USP6NL: variants seen among roughly 807,000 people sequenced by gnomAD.
USP6NL encodes USP6 N-terminal-like protein.
In USP6NL, 26 loss-of-function variants were observed where a neutral mutation model predicts 61.9. The observed-to-expected ratio is 0.42, with a 90% CI of 0.31 to 0.58. USP6NL has a LOEUF of 0.58. Among genes scored for constraint, USP6NL ranks in the 20% least tolerant of loss-of-function variants. The pLI is 0.16. For missense variants in USP6NL, 1,114 were observed against 1,034.3 expected, an observed-to-expected ratio of 1.08 and a Z score of -1.06; for synonymous variants, 432 against 390.1, an observed-to-expected ratio of 1.11 and a Z score of -1.27.
Position 11,484,974 on chromosome 10 carries a change from T to C in USP6NL, c.922A>G (p.Lys308Glu). The C allele has an allele frequency of 1.3e-6, 2 of 1,520,160 alleles. No homozygotes were observed. Among genetic ancestry groups the C allele is most frequent in the Non-Finnish European group, 1.8e-6 (2 of 1,137,920 alleles). The allele number at this position is 1,520,160 out of a possible 1,614,324, so 94.2% of individuals were successfully genotyped here. Residue 308 changes from lysine to glutamate, a missense_variant, in exon 13 of 15, where the codon AAA becomes GAA. By Grantham distance (56) the Lys-to-Glu change is moderately conservative. Transcript: ENST00000609104. ...AMSYTILKLH[K>E]KHLMKLSMEE... ...AAGAGTTTAAGCATTTTCTTACTTTTGTGTAATTTTAAGATGGTGTAAGAC... is the reference window on the plus strand; with the variant it reads ...AAGAGTTTAAGCATTTTCTTACTTTCGTGTAATTTTAAGATGGTGTAAGAC...
At position 11,525,858 on chromosome 10, in the gene USP6NL, G is replaced by C. The variant is rs1170228701; in HGVS notation, c.73-390C>G. ...TCAGAGAAAGAGATTTTTCTTTTTT[G>C]CCTTTTTATGCAAACTCCTTAGAGA... On this transcript the variant is annotated intron_variant, in intron 3 of 14. Coordinates refer to ENST00000609104, the MANE Select transcript of USP6NL (RefSeq NM_014688.5). This position sits in a 1 kb window ranked among gnomAD's most constrained non-coding sequence, Gnocchi z 5.0. 6.6e-6 allele frequency among the ~76,000 whole-genome samples: 1 copy of C among 151,764 alleles called. No homozygotes were observed. Among genetic ancestry groups the C allele is most frequent in the Admixed American group, 6.5e-5 (1 of 15,272 alleles).
chr10:11,566,508 T>C (rs1324841718), intron 2 of USP6NL, among the ~76,000 whole-genome samples: 1 of 152,202 alleles, frequency 6.6e-6, no homozygotes. Flanking sequence ...ATTAATCCAA[T>C]TTTACATATG....
In USP6NL at chr10:11,476,972, A is replaced by G. The variant is rs994783858; in HGVS notation, c.1078+4798T>C. Reference sequence around the variant, plus strand: ...CTGCAACCTCCGCCTCCCAGGTTCAAGCAATCCTCCTGCCTCAGCCTCCCG... The same window carrying G: ...CTGCAACCTCCGCCTCCCAGGTTCAGGCAATCCTCCTGCCTCAGCCTCCCG... On this transcript the variant is annotated intron_variant, in intron 14 of 14. Transcript: ENST00000609104. This position sits in a 1 kb window ranked among gnomAD's most constrained non-coding sequence, Gnocchi z 4.3. Among the ~76,000 whole-genome samples, 1 of 152,180 alleles carries G rather than the reference A, an allele frequency of 6.6e-6. No individual in the cohort carries two copies. The highest frequency in any genetic ancestry group is 2.4e-5 in the African/African-American group (1 of 41,426).
intron 2 of USP6NL, among the ~76,000 whole-genome samples, chr10:11,572,119 A>T (rs931880080): frequency 6.6e-6 from 1 of 151,954 alleles, no homozygotes; most frequent in African/African-American, 2.4e-5. Context: ...TATTCCAAGT[A>T]ACTATGATTG....
In USP6NL at chr10:11,478,240, C is replaced by G. The variant is rs549852654; in HGVS notation, c.1078+3530G>C. Among the ~76,000 whole-genome samples, 1 of 152,336 alleles carries G rather than the reference C, an allele frequency of 6.6e-6. No individual in the cohort carries two copies. Among genetic ancestry groups the G allele is most frequent in the South Asian group, 2.1e-4 (1 of 4,830 alleles). ...CAGAGCCCCTGCTTAGGCTCCAACG[C>G]CAGTGGCAGCAGCGACGTCCACACA... On this transcript the variant is annotated intron_variant, in intron 14 of 14. Coordinates refer to ENST00000609104, the MANE Select transcript of USP6NL (RefSeq NM_014688.5). The surrounding 1 kb of genome is among the most constrained non-coding windows in gnomAD (Gnocchi z 6.8).
rs896151905 is a variant in USP6NL, at chr10:11,587,205, A to T, written c.4+10426T>A. On this transcript the variant is annotated intron_variant, in intron 2 of 14. Coordinates refer to ENST00000609104, the MANE Select transcript of USP6NL (RefSeq NM_014688.5). This position sits in a 1 kb window ranked among gnomAD's most constrained non-coding sequence, Gnocchi z 4.5. The stretch of plus-strand genomic sequence containing the variant: ...TCATTAAGTATCTGTTTATACTAAA[A>T]TTAAAACAATTATTATTTATTCAAA... 8.9e-4 allele frequency among the ~76,000 whole-genome samples: 136 copies of T among 152,322 alleles called. 2 individuals carry two copies. Among genetic ancestry groups the T allele is most frequent in the African/African-American group, 3.2e-3 (131 of 41,572 alleles).
rs576715111 is a variant in USP6NL at position 11,558,289 on chromosome 10, C to T, written c.5-30722G>A. Among the ~76,000 whole-genome samples the T allele has an allele frequency of 2.0e-5, 3 of 152,294 alleles. No homozygotes were observed. The South Asian group carries it at 6.2e-4, about 32-fold the overall frequency. On this transcript the variant is annotated intron_variant, in intron 2 of 14. Coordinates refer to ENST00000609104, the MANE Select transcript of USP6NL (RefSeq NM_014688.5). Reference sequence around the variant, plus strand: ...ACTGATCTCCAAAATGCCCATGACACCATCATCTCAGGATCATCATTCCAC... The same window carrying T: ...ACTGATCTCCAAAATGCCCATGACATCATCATCTCAGGATCATCATTCCAC...
intron 6 of USP6NL, among the ~76,000 whole-genome samples, chr10:11,501,892 C>CT (rs1834212556): frequency 6.6e-6 from 1 of 152,102 alleles, no homozygotes; most frequent in South Asian, 2.1e-4. Context: ...TTGATGCTAT[C>CT]TGATAAGACA....
chr10:11,526,297 T>G (rs1016908297), intron 3 of USP6NL, among the ~76,000 whole-genome samples: 1 of 152,174 alleles, frequency 6.6e-6, no homozygotes, highest in African/African-American at 2.4e-5. Flanking sequence ...CCAACTGTCT[T>G]GTGGACACCT....
intron 2 of USP6NL, among the ~76,000 whole-genome samples, chr10:11,580,913 G>C (rs1837740482): frequency 7.8e-6 from 1 of 127,532 alleles, no homozygotes; most frequent in Non-Finnish European, 1.7e-5. Context: ...GGATGGGGGA[G>C]GCACACAAAG....
chr10:11,518,920 CGGT>C lies in USP6NL; in HGVS notation c.156-349_156-347del, dbSNP rs1393110037. On this transcript the variant is annotated intron_variant, in intron 4 of 14. Transcript: ENST00000609104. This position sits in a 1 kb window ranked among gnomAD's most constrained non-coding sequence, Gnocchi z 5.3. The stretch of plus-strand genomic sequence containing the variant: ...CGTAGCTAGAAGCCACCATATTGAA[CGGT>C]ACAGATATAGAACATTTCCATCACT... Among the ~76,000 whole-genome samples the C allele has an allele frequency of 6.6e-6, 1 of 152,204 alleles. No homozygotes were observed. The highest frequency in any genetic ancestry group is 1.5e-5 in the Non-Finnish European group (1 of 68,030).
intron 13 of USP6NL, among the ~76,000 whole-genome samples, chr10:11,484,396 GT>G (rs34864370): frequency 0.23 from 33,580 of 144,716 alleles, 4,243 homozygotes; most frequent in East Asian, 0.59. Context: ...AAATTCTCCA[GT>G]TTTTTTTTTT....
chr10:11,490,602 A>C lies in USP6NL; in HGVS notation c.543+230T>G, dbSNP rs1833671396. Among the ~76,000 whole-genome samples, 1 of 152,226 alleles carries C rather than the reference A, an allele frequency of 6.6e-6. No homozygotes were observed. Among genetic ancestry groups the C allele is most frequent in the Admixed American group, 6.5e-5 (1 of 15,284 alleles). ...AATATGGAGGGAGAGAGAAAAGGTG[A>C]GACTCACTGGCATACTGTGGTCATA... On this transcript the variant is annotated intron_variant, in intron 9 of 14. Transcript: ENST00000609104. This position sits in a 1 kb window ranked among gnomAD's most constrained non-coding sequence, Gnocchi z 4.5.
chr10:11,541,568 CAA>C (rs1448502408), intron 2 of USP6NL, among the ~76,000 whole-genome samples: 1 of 151,938 alleles, frequency 6.6e-6, no homozygotes, highest in Non-Finnish European at 1.5e-5. Context: ...AAAGGCTTAA[CAA>C]GAGAATCTGT....
rs1838311861 is a variant in USP6NL at position 11,595,891 on chromosome 10, T to A, written c.4+1740A>T. Among the ~76,000 whole-genome samples, 1 of 152,230 alleles carries A rather than the reference T, an allele frequency of 6.6e-6. No homozygotes were observed. Among genetic ancestry groups the A allele is most frequent in the Non-Finnish European group, 1.5e-5 (1 of 68,034 alleles). ...AAAAGAATTAGTGGATTAGTGGATA[T>A]AAAGAACCAGTTAAAAATCTTGCAA... is the stretch of plus-strand genomic sequence containing the variant. On this transcript the variant is annotated intron_variant, in intron 2 of 14. Transcript: ENST00000609104. This position sits in a 1 kb window ranked among gnomAD's most constrained non-coding sequence, Gnocchi z 5.3.
Position 11,509,618 on chromosome 10 carries a change from C to T in USP6NL, c.253G>A (p.Glu85Lys), listed in dbSNP as rs760665877. ...ACCTTTTCAGTGTTCTTGTATTTTT[C>T]CCATCCTTTCAGCATTTTCAGCCAT... ...TKWLKMLKGW[E>K]KYKNTEKFHR... The change falls in exon 6 of 15, where the codon GAA becomes AAA. Residue 85 changes from glutamate (E) to lysine (K), a missense_variant. By Grantham distance (56) the Glu-to-Lys change is moderately conservative. Coordinates refer to ENST00000609104, the MANE Select transcript of USP6NL (RefSeq NM_014688.5). 3.8e-6 allele frequency: 6 copies of T among 1,564,206 alleles called. No homozygotes were observed. Among genetic ancestry groups the T allele is most frequent in the Non-Finnish European group, 4.3e-6 (5 of 1,153,384 alleles).
At chr10:11,531,914 T>C (rs562488602) in intron 2 of USP6NL, among the ~76,000 whole-genome samples, 1 of 152,312 alleles carries the variant, frequency 6.6e-6, no homozygotes, top group East Asian at 1.9e-4. Flanking sequence ...TTGACAACTA[T>C]ACAATTCTAA....
In USP6NL at chr10:11,562,876, C is replaced by T. The variant is rs1265915526; in HGVS notation, c.4+34755G>A. ...GTAGTTTCTTGAAAAAGTAGACATC[C>T]ACTTACCATGCAATCTATGAATCAC... On this transcript the variant is annotated intron_variant, in intron 2 of 14. Transcript: ENST00000609104. This position sits in a 1 kb window ranked among gnomAD's most constrained non-coding sequence, Gnocchi z 4.8. 8 of 671,932 alleles carry T rather than the reference C, an allele frequency of 1.2e-5. No homozygotes were observed. Among genetic ancestry groups the T allele is most frequent in the Non-Finnish European group, 1.5e-5 (8 of 544,162 alleles). 41.6% of individuals were successfully genotyped at this position (671,932 alleles called of 1,614,324 possible). A position where few individuals can be genotyped will look rare whatever the true frequency, so the allele number is the denominator to read the frequency against.
chr10:11,473,918 G>C (rs926253233), intron 14 of USP6NL, among the ~76,000 whole-genome samples: 2 of 152,204 alleles, frequency 1.3e-5, no homozygotes, highest in Non-Finnish European at 2.9e-5. Context: ...GGCAGACCCT[G>C]AGGAGAAGGA....
Sources: allele counts gnomAD v4.1 joint callset (sites outside exome capture counted in the v4.1 genomes callset), GRCh38; gene constraint gnomAD v4.1.1; non-coding constraint Gnocchi (gnomAD v3.1); transcripts MANE v1.5; gene names NCBI Gene and HGNC (gene_info 2026-07-23, HGNC 2026-07-21).